Variants in TOP3A observed in about 807,000 individuals in gnomAD.
TOP3A encodes DNA topoisomerase III alpha, also known as DNA topoisomerase 3-alpha.
Under a neutral mutation model 111.3 loss-of-function variants are expected in TOP3A, and 64 were observed. The observed-to-expected ratio is 0.57, with a 90% CI of 0.47 to 0.71. The LOEUF (loss-of-function observed/expected upper bound fraction) is 0.71, where lower values mean the gene tolerates loss of function less well. Ranked by LOEUF, TOP3A falls within the 30% of genes least tolerant of loss-of-function variation. TOP3A has a pLI of 0.00. For missense variants in TOP3A, 1,104 were observed against 1,285.0 expected, an observed-to-expected ratio of 0.86 and a Z score of 2.15; for synonymous variants, 484 against 485.1, an observed-to-expected ratio of 1.00 and a Z score of 0.03.
Position 18,290,685 on chromosome 17 carries a change from A to T in TOP3A, c.1469T>A (p.Ile490Asn). 1 of 1,596,496 alleles carries T rather than the reference A, an allele frequency of 6.3e-7. No homozygotes were observed. Among genetic ancestry groups the T allele is most frequent in the Non-Finnish European group, 8.6e-7 (1 of 1,169,556 alleles). Residue 490 changes from isoleucine to asparagine, a missense_variant and splice_region_variant, in exon 13 of 19, where the codon ATC (isoleucine) becomes AAC (asparagine). Physicochemically the swap from Ile to Asn is moderately radical, Grantham distance 149. Transcript: ENST00000321105. ...GGATCCTTGCTCATAGACAGGGAGG[A>T]TCTACAGGGAGCGGCAGGTGCAACA... is the stretch of plus-strand genomic sequence containing the variant. ...VYPYDHWSDKILPVYEQGSHF... is the reference protein window; with the variant it reads ...VYPYDHWSDKNLPVYEQGSHF...
chr17:18,306,337 GGGGGCTACGCGCT>G (rs1372051186), intron 4 of TOP3A, among the ~76,000 whole-genome samples: 1 of 152,144 alleles, frequency 6.6e-6, no homozygotes, highest in Admixed American at 6.6e-5. Flanking sequence ...GGGGTGAGAT[GGGGGCTACGCGCT>G]AATAATTTAC....
Position 18,277,724 on chromosome 17 carries a change from T to C in TOP3A, c.2778A>G (p.Arg926=), listed in dbSNP as rs1192538434. The C allele has an allele frequency of 3.7e-6, 6 of 1,613,794 alleles. No individual in the cohort carries two copies. In the African/African-American group the frequency reaches 5.3e-5, roughly 14 times the overall value. Residue 926 remains arginine, a synonymous_variant, in exon 18 of 19, where the codon AGA becomes AGG. Transcript: ENST00000321105. ...ACTGGAAAAAGCCACACTGCTGCTC[T>C]CTCGGCTTGGCACATGTGTGGAACT... is the stretch of plus-strand genomic sequence containing the variant. The part of the protein sequence containing the change: ...GRQFHTCAKP[R]EQQCGFFQWV...
intron 13 of TOP3A, 57 bp downstream of exon 13, chr17:18,290,500 C>T (rs1271450926): frequency 6.8e-7 from 1 of 1,473,468 alleles, no homozygotes; most frequent in East Asian, 2.3e-5. Context: ...AAACCTGTAC[C>T]TGGTACACTG....
intron 9 of TOP3A, among the ~76,000 whole-genome samples, chr17:18,295,491 C>T (rs1451164924): frequency 6.6e-6 from 1 of 151,558 alleles, no homozygotes; most frequent in Non-Finnish European, 1.5e-5. Context: ...GAGACAGTCT[C>T]GCTCTTGTTG....
At chr17:18,297,638 T>C (rs1980910388) in intron 9 of TOP3A, among the ~76,000 whole-genome samples, 1 of 152,178 alleles carries the variant, frequency 6.6e-6, no homozygotes, top group African/African-American at 2.4e-5. Context: ...TTGGCTGGGC[T>C]GGTCTCCAGC....
At chr17:18,294,264 C>T (rs868282930) in intron 10 of TOP3A, among the ~76,000 whole-genome samples, 154 of 152,308 alleles carry the variant, frequency 1.0e-3, no homozygotes, top group African/African-American at 3.6e-3. Context: ...CAAAATCCTA[C>T]CTCAGAGCTT....
chr17:18,297,554 CTGCGAT>C (rs1449714792), intron 9 of TOP3A, among the ~76,000 whole-genome samples: 1 of 152,182 alleles, frequency 6.6e-6, no homozygotes, highest in Non-Finnish European at 1.5e-5. Flanking sequence ...TGCGGACTGC[CTGCGAT>C]TGCAGGCGCG....
At chr17:18,299,681 T>A (rs1244505802) in intron 8 of TOP3A, 48 bp from the exon 9 acceptor site, 2 of 1,547,250 alleles carry the variant, frequency 1.3e-6, no homozygotes, top group African/African-American at 2.7e-5. Context: ...TAGTGCATCA[T>A]CTCCATCCTT....
chr17:18,303,866 CTTCT>C (rs1981392690), intron 5 of TOP3A, among the ~76,000 whole-genome samples: 1 of 152,262 alleles, frequency 6.6e-6, no homozygotes, highest in African/African-American at 2.4e-5. Context: ...TTGTGTGTGT[CTTCT>C]TTCTTTTCTC....
intron 13 of TOP3A, among the ~76,000 whole-genome samples, chr17:18,285,898 C>A (rs1980062825): frequency 6.6e-6 from 1 of 152,144 alleles, no homozygotes; most frequent in South Asian, 2.1e-4. Flanking sequence ...GAAGGAAATG[C>A]AAATTAAAAC....
intron 15 of TOP3A, 82 bp downstream of exon 15, chr17:18,285,060 G>A: frequency 2.0e-6 from 3 of 1,510,942 alleles, no homozygotes; most frequent in Non-Finnish European, 2.7e-6. Flanking sequence ...AGGCTGAGGT[G>A]GGAAGATCTC....
rs1980420550 is a variant in TOP3A at position 18,290,748 on chromosome 17, A to T, written c.1468-62T>A. ...CATCAGCACACTCAGGCAAAAAATA[A>T]CCTCATTTCAAGGAACATGATCCTG... On this transcript the variant is annotated intron_variant, in intron 12 of 18. Transcript: ENST00000321105. The T allele has an allele frequency of 1.2e-5, 19 of 1,576,528 alleles. No homozygotes were observed. The Middle Eastern group carries it at 6.8e-4, about 57-fold the overall frequency.
intron 17 of TOP3A, among the ~76,000 whole-genome samples, chr17:18,279,770 C>G (rs1197185011): frequency 6.6e-6 from 1 of 152,066 alleles, no homozygotes; most frequent in African/African-American, 2.4e-5. Context: ...TCACTACAGC[C>G]TAGACCTCTA....
intron 16 of TOP3A, among the ~76,000 whole-genome samples, 157 bp downstream of exon 16, chr17:18,282,541 C>T (rs905504961): frequency 6.6e-6 from 1 of 152,238 alleles, no homozygotes; most frequent in African/African-American, 2.4e-5. Flanking sequence ...CCTGATCCCA[C>T]CCTGCTATGC....
Position 18,308,950 on chromosome 17 carries a change from C to T in TOP3A, c.181-9G>A, listed in dbSNP as rs1981750483. 2.2e-6 allele frequency: 3 copies of T among 1,382,184 alleles called. No individual in the cohort carries two copies. The highest frequency in any genetic ancestry group is 4.1e-5 in the Admixed American group (2 of 48,738). 85.6% of individuals were successfully genotyped at this position (1,382,184 alleles called of 1,614,324 possible). On this transcript the variant is annotated splice_polypyrimidine_tract_variant and intron_variant, in intron 1 of 18. Coordinates refer to ENST00000321105, the MANE Select transcript of TOP3A (RefSeq NM_004618.5). ...TTTGAAAGTCCTTCTCTCTATAAAA[C>T]AAAAATAAGTAAAAAATATAAATTA...
chr17:18,305,463 A>C (rs1277137825), intron 4 of TOP3A, among the ~76,000 whole-genome samples: 1 of 137,690 alleles, frequency 7.3e-6, no homozygotes, highest in Non-Finnish European at 1.6e-5. Flanking sequence ...ACAAAACCTG[A>C]AATTCAGCTC....
intron 9 of TOP3A, among the ~76,000 whole-genome samples, chr17:18,295,194 C>A (rs1251525402): frequency 3.9e-5 from 6 of 152,200 alleles, no homozygotes; most frequent in African/African-American, 1.4e-4. Flanking sequence ...GCCCTGTCGC[C>A]TAGGCTGGAG....
chr17:18,305,388 T>C (rs1027432521), intron 4 of TOP3A, among the ~76,000 whole-genome samples, 168 bp from the exon 5 acceptor site: 1 of 152,150 alleles, frequency 6.6e-6, no homozygotes, highest in Non-Finnish European at 1.5e-5. Context: ...CTAATCATGA[T>C]ACAACCCCTT....
intron 5 of TOP3A, among the ~76,000 whole-genome samples, chr17:18,304,622 C>T (rs1981443834): frequency 6.6e-6 from 1 of 152,134 alleles, no homozygotes; most frequent in South Asian, 2.1e-4. Context: ...GAAAACAGAA[C>T]ATTTTATAAT....
Sources: gnomAD v4.1 joint callset for allele counts (sites outside exome capture counted in the v4.1 genomes callset) on GRCh38, gnomAD v4.1.1 for gene constraint, MANE v1.5 for transcripts, NCBI Gene and HGNC (gene_info 2026-07-23, HGNC 2026-07-21) for gene names.